NPTN: variants seen among roughly 807,000 people sequenced by gnomAD.
The protein encoded by NPTN is neuroplastin.
A neutral mutation model predicts 42.7 loss-of-function variants in NPTN; 5 were observed. That is an observed-to-expected ratio of 0.12 (90% confidence interval 0.06 to 0.25). The LOEUF is 0.25. Ranked by LOEUF, NPTN falls within the 10% of genes least tolerant of loss-of-function variation. The pLI, the probability that NPTN is intolerant of heterozygous loss-of-function variation, is 1.00. For missense variants in NPTN, 307 were observed against 525.4 expected (o/e 0.58, Z 4.06); for synonymous variants, 180 against 201.9 (o/e 0.89, Z 0.92).
At position 73,597,844 on chromosome 15, in the gene NPTN, G is replaced by A. The variant is rs1896897236; in HGVS notation, c.92-475C>T. ...GATGGGCAAACGCTTTGTTAGAAAT[G>A]CAGTGTCTTTTGCAAGCCTCAACAA... On this transcript the variant is annotated intron_variant, in intron 1 of 8. Transcript: ENST00000345330. The surrounding 1 kb of genome is among the most constrained non-coding windows in gnomAD (Gnocchi z 6.3). Among the ~76,000 whole-genome samples, 3 of 152,224 alleles carry A rather than the reference G, an allele frequency of 2.0e-5. No homozygotes were observed. Among genetic ancestry groups the A allele is most frequent in the African/African-American group, 7.2e-5 (3 of 41,462 alleles).
chr15:73,621,681 C>A (rs16958084), intron 1 of NPTN, among the ~76,000 whole-genome samples: 2,022 of 152,282 alleles, frequency 0.013, 53 homozygotes, highest in African/African-American at 0.046. Context: ...ACAAGATGAC[C>A]TTTTCAGTAT....
At chr15:73,599,190 A>G (rs961776814) in intron 1 of NPTN, among the ~76,000 whole-genome samples, 3 of 150,304 alleles carry the variant, frequency 2.0e-5, no homozygotes, top group Non-Finnish European at 2.9e-5. Flanking sequence ...AATTACAGAA[A>G]GGAGCCCCCA....
At chr15:73,564,575 A>G (rs1355865508) in intron 6 of NPTN, among the ~76,000 whole-genome samples, 1 of 152,214 alleles carries the variant, frequency 6.6e-6, no homozygotes, top group African/African-American at 2.4e-5. Flanking sequence ...TACTAACAAC[A>G]GTATACACTA....
chr15:73,630,557 G>A (rs1172390030), intron 1 of NPTN, among the ~76,000 whole-genome samples: 1 of 152,174 alleles, frequency 6.6e-6, no homozygotes, highest in East Asian at 1.9e-4. Flanking sequence ...AAACTCACTG[G>A]AGCTTCAAGA....
At chr15:73,587,769 G>A (rs1303666501) in intron 3 of NPTN, 151 bp from the exon 4 acceptor site, 1 of 620,792 alleles carries the variant, frequency 1.6e-6, no homozygotes, top group Non-Finnish European at 2.9e-6. Context: ...ATTCCTCTCT[G>A]TGCATCCTAA....
Position 73,569,454 on chromosome 15 carries a change from C to A in NPTN, c.1114+696G>T. 1.1e-5 allele frequency: 11 copies of A among 985,448 alleles called. No individual in the cohort carries two copies. The highest frequency in any genetic ancestry group is 1.3e-5 in the Non-Finnish European group (11 of 829,938). 61.0% of individuals were successfully genotyped at this position (985,448 alleles called of 1,614,324 possible). On this transcript the variant is annotated intron_variant, in intron 6 of 8. Transcript: ENST00000345330. The surrounding 1 kb of genome is among the most constrained non-coding windows in gnomAD (Gnocchi z 4.1). Reference sequence around the variant, plus strand: ...ACCCTAGGCCAGCTTGAGGGCACAGCCTCGGGGCATGGACTCCATTTGTTC... The same window carrying A: ...ACCCTAGGCCAGCTTGAGGGCACAGACTCGGGGCATGGACTCCATTTGTTC...
At chr15:73,625,570 A>G (rs1472149450) in intron 1 of NPTN, among the ~76,000 whole-genome samples, 1 of 152,124 alleles carries the variant, frequency 6.6e-6, no homozygotes, top group Non-Finnish European at 1.5e-5. Context: ...TGACCTCGTG[A>G]TCCGCCCACC....
At position 73,597,426 on chromosome 15, in the gene NPTN, A is replaced by C; in HGVS notation, c.92-57T>G. ...AGGCCAATCAGAAAAAAAAAAAAGA[A>C]TCAACAGGTGTTAATAGTAATTTAA... On this transcript the variant is annotated intron_variant, in intron 1 of 8. Transcript: ENST00000345330. This position sits in a 1 kb window ranked among gnomAD's most constrained non-coding sequence, Gnocchi z 6.3. The C allele has an allele frequency of 7.8e-7, 1 of 1,285,838 alleles. No individual in the cohort carries two copies. Among genetic ancestry groups the C allele is most frequent in the Non-Finnish European group, 1.1e-6 (1 of 922,324 alleles). 79.7% of individuals were successfully genotyped at this position (1,285,838 alleles called of 1,614,324 possible).
intron 1 of NPTN, among the ~76,000 whole-genome samples, chr15:73,605,152 T>C (rs932023985): frequency 4.0e-5 from 6 of 149,156 alleles, no homozygotes; most frequent in African/African-American, 1.5e-4. Flanking sequence ...TCTATTAACA[T>C]ACCTCAAAAG....
chr15:73,601,363 A>G (rs1275415335), intron 1 of NPTN, among the ~76,000 whole-genome samples: 1 of 152,230 alleles, frequency 6.6e-6, no homozygotes, highest in Admixed American at 6.5e-5. Flanking sequence ...AGAAAAGAGA[A>G]AAGAACCCTC....
intron 2 of NPTN, 118 bp downstream of exon 2, chr15:73,596,904 G>A (rs1896859644): frequency 1.6e-5 from 13 of 827,378 alleles, no homozygotes; most frequent in Admixed American, 5.8e-5. Context: ...AAAAAAAAAC[G>A]AAGACAAGGG....
chr15:73,600,475 T>G (rs1184546475), intron 1 of NPTN, among the ~76,000 whole-genome samples: 2 of 152,206 alleles, frequency 1.3e-5, no homozygotes, highest in Admixed American at 1.3e-4. Flanking sequence ...ATAAGTGCCA[T>G]TATAATTTTT....
In NPTN at chr15:73,597,411, G is replaced by GA. The variant is rs200463196; in HGVS notation, c.92-43dup. The GA allele has an allele frequency of 0.072, 67,401 of 931,818 alleles. 41 individuals are homozygous for GA. The highest frequency in any genetic ancestry group is 0.078 in the Non-Finnish European group (52,776 of 679,598). 57.7% of individuals were successfully genotyped at this position (931,818 alleles called of 1,614,324 possible). A position where few individuals can be genotyped will look rare whatever the true frequency, so the allele number is the denominator to read the frequency against. On this transcript the variant is annotated intron_variant, in intron 1 of 8. Coordinates refer to ENST00000345330, the MANE Select transcript of NPTN (RefSeq NM_012428.4). The surrounding 1 kb of genome is among the most constrained non-coding windows in gnomAD (Gnocchi z 6.3). ...CAGGAATGCAGTGACAGGCCAATCA[G>GA]AAAAAAAAAAAAGAATCAACAGGTG...
At chr15:73,571,206 G>A (rs749076944) in intron 5 of NPTN, among the ~76,000 whole-genome samples, 4 of 152,182 alleles carry the variant, frequency 2.6e-5, no homozygotes, top group Non-Finnish European at 5.9e-5. Flanking sequence ...GATCACATGA[G>A]CCCAGGAGGT....
intron 4 of NPTN, among the ~76,000 whole-genome samples, chr15:73,584,115 G>C (rs1387025658): frequency 6.6e-6 from 1 of 152,170 alleles, no homozygotes; most frequent in African/African-American, 2.4e-5. Context: ...TGTCCAATAA[G>C]GAGGGTGAGA....
chr15:73,573,464 A>C (rs1019797436), intron 5 of NPTN, among the ~76,000 whole-genome samples, 198 bp downstream of exon 5: 2 of 152,310 alleles, frequency 1.3e-5, no homozygotes, highest in South Asian at 2.1e-4. Flanking sequence ...AGCTTTAACA[A>C]ATCACGTACA....
In NPTN at chr15:73,597,227, C is replaced by G; in HGVS notation, c.234G>C (p.Leu78=). The G allele has an allele frequency of 1.2e-6, 2 of 1,614,142 alleles. No homozygotes were observed. The highest frequency in any genetic ancestry group is 2.2e-5 in the South Asian group (2 of 91,082). The change falls in exon 2 of 9, where the codon CTG becomes CTC. Residue 78 remains leucine (L), a synonymous_variant. Coordinates refer to ENST00000345330, the MANE Select transcript of NPTN (RefSeq NM_012428.4). The surrounding 1 kb of genome is among the most constrained non-coding windows in gnomAD (Gnocchi z 6.3). ...CACGGCGCTTCCGAGCACCGTCCCACAGCTGTCTGAAAGACTCTGCCCGGT... is the reference window on the plus strand; with the variant it reads ...CACGGCGCTTCCGAGCACCGTCCCAGAGCTGTCTGAAAGACTCTGCCCGGT... ...EVNRAESFRQ[L]WDGARKRRVT... is the part of the protein sequence containing the mutation.
At position 73,560,117 on chromosome 15, in the gene NPTN, A is replaced by G. The variant is rs1031386070; in HGVS notation, c.*946T>C. 23 of 464,676 alleles carry G rather than the reference A, an allele frequency of 4.9e-5. No individual in the cohort carries two copies. The highest frequency in any genetic ancestry group is 4.7e-4 in the African/African-American group (23 of 48,690). The allele number at this position is 464,676 out of a possible 1,614,324, so 28.8% of individuals were successfully genotyped here. A position where few individuals can be genotyped will look rare whatever the true frequency, so the allele number is the denominator to read the frequency against. ...AAACACACAAGTACATGCATCTACAATTACGCACCGCATGAGAACCGTTAG... is the reference window on the plus strand; with the variant it reads ...AAACACACAAGTACATGCATCTACAGTTACGCACCGCATGAGAACCGTTAG... On this transcript the variant is annotated 3_prime_UTR_variant, in exon 9 of 9. Coordinates refer to ENST00000345330, the MANE Select transcript of NPTN (RefSeq NM_012428.4).
chr15:73,626,511 G>A (rs1898420355), intron 1 of NPTN, among the ~76,000 whole-genome samples: 2 of 152,278 alleles, frequency 1.3e-5, no homozygotes, highest in South Asian at 4.1e-4. Flanking sequence ...GTAATTTTTA[G>A]AACTGAAAGG....
Sources: gnomAD v4.1 joint callset for allele counts (sites outside exome capture counted in the v4.1 genomes callset) on GRCh38, gnomAD v4.1.1 for gene constraint, Gnocchi (gnomAD v3.1) non-coding constraint, MANE v1.5 for transcripts, NCBI Gene and HGNC (gene_info 2026-07-23, HGNC 2026-07-21) for gene names.